Variants in CPNE4 observed in about 807,000 individuals in gnomAD.
CPNE4 encodes the protein copine-4.
A neutral mutation model predicts 67.9 loss-of-function variants in CPNE4; 25 were observed. That is an observed-to-expected ratio of 0.37 (90% CI 0.27 to 0.51). CPNE4 has a LOEUF of 0.51. Ranked by LOEUF, CPNE4 falls within the 20% of genes least tolerant of loss-of-function variation. The pLI is 0.93. For synonymous variants in CPNE4, 242 were observed against 244.9 expected (o/e 0.99, Z 0.11); for missense variants, 464 against 690.8 (o/e 0.67, Z 3.68).
intron 5 of CPNE4, among the ~76,000 whole-genome samples, chr3:131,693,305 T>C (rs1405391343): frequency 6.6e-6 from 1 of 152,212 alleles, no homozygotes; most frequent in African/African-American, 2.4e-5. Context: ...TGTTTTGTTG[T>C]ATGTATTAAT....
chr3:131,579,723 C>G (rs1470857373), intron 9 of CPNE4, among the ~76,000 whole-genome samples: 1 of 152,090 alleles, frequency 6.6e-6, no homozygotes, highest in African/African-American at 2.4e-5. Flanking sequence ...GTAGAAATAG[C>G]AAGGGAACCG....
At chr3:131,798,839 C>T (rs73222320) in intron 2 of CPNE4, among the ~76,000 whole-genome samples, 14,091 of 151,996 alleles carry the variant, frequency 0.093, 828 homozygotes, top group East Asian at 0.17. Flanking sequence ...ACTGCAAATG[C>T]CATCCATAAC....
At chr3:131,585,191 G>T (rs1201424926) in intron 8 of CPNE4, among the ~76,000 whole-genome samples, 2 of 152,090 alleles carry the variant, frequency 1.3e-5, no homozygotes, top group South Asian at 2.1e-4. Context: ...GTTTAGTTTT[G>T]TAATAGCATT....
At chr3:131,736,218 C>T (rs1483140145) in intron 2 of CPNE4, among the ~76,000 whole-genome samples, 1 of 152,156 alleles carries the variant, frequency 6.6e-6, no homozygotes, top group Non-Finnish European at 1.5e-5. Context: ...GACTGGCATC[C>T]ACTCCTTCTG....
At chr3:131,815,824 G>T (rs1333089057) in intron 2 of CPNE4, among the ~76,000 whole-genome samples, 1 of 152,146 alleles carries the variant, frequency 6.6e-6, no homozygotes, top group South Asian at 2.1e-4. Flanking sequence ...CAGACATCTG[G>T]GTATCAGCAG....
chr3:131,838,121 C>A (rs1182332998), intron 2 of CPNE4, among the ~76,000 whole-genome samples: 1 of 151,754 alleles, frequency 6.6e-6, no homozygotes, highest in Non-Finnish European at 1.5e-5. Context: ...ACAATTTTTG[C>A]AGCTTCTATG....
intron 2 of CPNE4, among the ~76,000 whole-genome samples, chr3:131,845,978 C>T (rs1285777565): frequency 2.0e-5 from 3 of 152,118 alleles, no homozygotes; most frequent in Admixed American, 6.6e-5. Context: ...CTTTTATTCT[C>T]AATTCTGCAA....
chr3:131,907,226 A>G (rs1476424473), intron 1 of CPNE4, among the ~76,000 whole-genome samples: 1 of 152,146 alleles, frequency 6.6e-6, no homozygotes, highest in Non-Finnish European at 1.5e-5. Context: ...TTCTCTTAGG[A>G]GCAAAATTCA....
intron 2 of CPNE4, 133 bp from the exon 3 acceptor site, chr3:131,723,758 C>T (rs2081940904): frequency 1.4e-6 from 1 of 714,410 alleles, no homozygotes; most frequent in Admixed American, 2.8e-5. Context: ...GGTGGGCAGT[C>T]CAAAAGTACA....
intron 2 of CPNE4, among the ~76,000 whole-genome samples, chr3:131,758,182 A>G (rs1190430763): frequency 6.6e-6 from 1 of 152,138 alleles, no homozygotes. Flanking sequence ...AGCTTGCACC[A>G]TCTGTCTGGA....
intron 6 of CPNE4, among the ~76,000 whole-genome samples, chr3:131,677,528 T>C (rs1192787337): frequency 6.6e-6 from 1 of 152,210 alleles, no homozygotes; most frequent in African/African-American, 2.4e-5. Flanking sequence ...CTAAATGGTA[T>C]TGCCTAGGTT....
In CPNE4 at chr3:131,604,608, C is replaced by T. The variant is rs557078962; in HGVS notation, c.682-17026G>A. Among the ~76,000 whole-genome samples, 62 of 152,186 alleles carry T rather than the reference C, an allele frequency of 4.1e-4. No individual in the cohort carries two copies. The Middle Eastern group carries it at 0.01, about 25-fold the overall frequency. On this transcript the variant is annotated intron_variant, in intron 7 of 15. Coordinates refer to ENST00000429747, the MANE Select transcript of CPNE4 (RefSeq NM_130808.3). ...AGAGAGACTGGCCTAGCATTCCAGC[C>T]TACATCTTTCTCCCATGTTGAATCC...
chr3:131,858,252 T>TTC lies in CPNE4; in HGVS notation c.180+47011_180+47012insGA, dbSNP rs550050380. On this transcript the variant is annotated intron_variant, in intron 2 of 15. Transcript: ENST00000429747. Reference sequence around the variant, plus strand: ...AAGCATCATTTCAATTCCAGCTTCATACTTTCCTGCCATTCAACCCTATCA... The same window carrying TTC: ...AAGCATCATTTCAATTCCAGCTTCATTCACTTTCCTGCCATTCAACCCTATCA... 1.6e-4 allele frequency among the ~76,000 whole-genome samples: 25 copies of TTC among 152,230 alleles called. No homozygotes were observed. The East Asian group carries it at 4.8e-3, about 29-fold the overall frequency.
intron 2 of CPNE4, among the ~76,000 whole-genome samples, chr3:131,771,370 T>G (rs898605129): frequency 6.6e-6 from 1 of 152,064 alleles, no homozygotes; most frequent in Non-Finnish European, 1.5e-5. Flanking sequence ...ATGTTGAGGG[T>G]GGGACCTAAT....
intron 7 of CPNE4, among the ~76,000 whole-genome samples, chr3:131,665,149 C>T (rs1560076711): frequency 6.6e-6 from 1 of 151,910 alleles, no homozygotes; most frequent in Non-Finnish European, 1.5e-5. Flanking sequence ...CTGCTTGAGC[C>T]CAGGAGTTCG....
At chr3:131,977,158 A>T (rs1204564773) in intron 1 of CPNE4, among the ~76,000 whole-genome samples, 1 of 152,160 alleles carries the variant, frequency 6.6e-6, no homozygotes, top group Non-Finnish European at 1.5e-5. Flanking sequence ...TTTTCCTAAG[A>T]GTCTTTGTAA....
intron 1 of CPNE4, among the ~76,000 whole-genome samples, chr3:131,972,667 G>T (rs1175793476): frequency 6.6e-6 from 1 of 152,112 alleles, no homozygotes; most frequent in South Asian, 2.1e-4. Context: ...AAGGCCATAT[G>T]GTACAGAGCT....
intron 7 of CPNE4, among the ~76,000 whole-genome samples, chr3:131,635,008 T>A (rs1365768027): frequency 6.6e-6 from 1 of 152,210 alleles, no homozygotes; most frequent in Non-Finnish European, 1.5e-5. Context: ...AAAACTTGAT[T>A]ATGACAGGTC....
At chr3:131,680,172 T>C (rs887187474) in intron 6 of CPNE4, among the ~76,000 whole-genome samples, 1 of 152,176 alleles carries the variant, frequency 6.6e-6, no homozygotes, top group African/African-American at 2.4e-5. Flanking sequence ...ACTTTTACCA[T>C]TATGTAATGG....
Sources: gnomAD v4.1 joint callset for allele counts (sites outside exome capture counted in the v4.1 genomes callset) on GRCh38, gnomAD v4.1.1 for gene constraint, MANE v1.5 for transcripts, NCBI Gene and HGNC (gene_info 2026-07-23, HGNC 2026-07-21) for gene names.